Variants in PDCD1LG2 observed in about 807,000 individuals in gnomAD.
The protein encoded by PDCD1LG2 is programmed cell death 1 ligand 2.
Under a neutral mutation model 28.2 loss-of-function variants are expected in PDCD1LG2, and 32 were observed. That is an observed-to-expected ratio of 1.13 (90% confidence interval 0.86 to 1.52). PDCD1LG2 has a LOEUF of 1.52. Among genes scored for constraint, PDCD1LG2 ranks in the 40% most tolerant of loss-of-function variants. PDCD1LG2 has a pLI of 0.00. For missense variants in PDCD1LG2, 385 were observed against 323.8 expected (o/e 1.19, Z -1.45); for synonymous variants, 116 against 120.2 (o/e 0.97, Z 0.23).
chr9:5,534,613 G>A (rs757802875), intron 2 of PDCD1LG2, 132 bp from the exon 3 acceptor site: 8 of 747,114 alleles, frequency 1.1e-5, no homozygotes, highest in South Asian at 1.9e-5. Flanking sequence ...AAAAGGATTC[G>A]CCACGGGAAT....
At chr9:5,513,756 G>A (rs1820104862) in intron 1 of PDCD1LG2, among the ~76,000 whole-genome samples, 1 of 152,180 alleles carries the variant, frequency 6.6e-6, no homozygotes, top group Non-Finnish European at 1.5e-5. Context: ...CTGGCTGTAA[G>A]ATCCCCCCAA....
chr9:5,543,356 G>A (rs1030901152), intron 3 of PDCD1LG2, among the ~76,000 whole-genome samples: 11 of 152,008 alleles, frequency 7.2e-5, no homozygotes, highest in South Asian at 2.1e-4. Context: ...TGGCTAACAC[G>A]GTGAAACCCC....
At chr9:5,567,646 G>T (rs763932585) in intron 6 of PDCD1LG2, among the ~76,000 whole-genome samples, 1 of 152,188 alleles carries the variant, frequency 6.6e-6, no homozygotes, top group South Asian at 2.1e-4. Context: ...TTCCTTAAGT[G>T]AAACAGTAGC....
At chr9:5,563,858 T>G (rs1314628280) in intron 6 of PDCD1LG2, among the ~76,000 whole-genome samples, 2 of 152,198 alleles carry the variant, frequency 1.3e-5, no homozygotes, top group Non-Finnish European at 1.5e-5. Flanking sequence ...GAAACCTCAG[T>G]TTTTTGCTCT....
intron 4 of PDCD1LG2, among the ~76,000 whole-genome samples, chr9:5,553,452 T>C (rs1199614377): frequency 6.6e-6 from 1 of 152,216 alleles, no homozygotes; most frequent in African/African-American, 2.4e-5. Context: ...GTACTTTGGA[T>C]GAATTGTAGT....
intron 4 of PDCD1LG2, among the ~76,000 whole-genome samples, chr9:5,557,167 CT>C (rs1430277535): frequency 6.6e-6 from 1 of 151,684 alleles, no homozygotes; most frequent in Non-Finnish European, 1.5e-5. Flanking sequence ...GGCTGAGAGA[CT>C]TTGCCACTGG....
At chr9:5,537,868 T>G (rs1225314202) in intron 3 of PDCD1LG2, among the ~76,000 whole-genome samples, 1 of 152,064 alleles carries the variant, frequency 6.6e-6, no homozygotes, top group Admixed American at 6.5e-5. Context: ...ACCCTAAAAC[T>G]TACTGTTAAA....
Position 5,569,837 on chromosome 9 carries a change from G to C in PDCD1LG2, c.817-117G>C. 9.8e-7 allele frequency: 1 copy of C among 1,024,996 alleles called. No homozygotes were observed. The allele number at this position is 1,024,996 out of a possible 1,614,324, so 63.5% of individuals were successfully genotyped here. On this transcript the variant is annotated intron_variant, in intron 6 of 6. Transcript: ENST00000397747. The surrounding 1 kb of genome is among the most constrained non-coding windows in gnomAD (Gnocchi z 4.1). ...TAAATGAAAAGTTTTAAACCATGCG[G>C]CTTCCAGCTAGATGAACTTTTTTAA...
At chr9:5,536,955 G>A (rs1820592068) in intron 3 of PDCD1LG2, among the ~76,000 whole-genome samples, 1 of 152,178 alleles carries the variant, frequency 6.6e-6, no homozygotes, top group African/African-American at 2.4e-5. Flanking sequence ...CATGAATATA[G>A]TCCATTGTCC....
chr9:5,533,208 C>T (rs568401149), intron 2 of PDCD1LG2, among the ~76,000 whole-genome samples: 5 of 152,332 alleles, frequency 3.3e-5, no homozygotes, highest in South Asian at 2.1e-4. Flanking sequence ...TCAGAAACTA[C>T]TTCAAGATTT....
intron 1 of PDCD1LG2, among the ~76,000 whole-genome samples, chr9:5,517,478 G>A (rs535067987): frequency 6.6e-6 from 1 of 152,292 alleles, no homozygotes; most frequent in African/African-American, 2.4e-5. Flanking sequence ...GGGCACAGTG[G>A]GTCCTTTAAA....
chr9:5,557,451 G>A (rs191307454), intron 4 of PDCD1LG2, among the ~76,000 whole-genome samples, 167 bp from the exon 5 acceptor site: 44 of 152,280 alleles, frequency 2.9e-4, no homozygotes, highest in Admixed American at 7.8e-4. Flanking sequence ...GAGTGGTTGC[G>A]AGGAGTGGAT....
At chr9:5,517,526 T>C (rs1336737105) in intron 1 of PDCD1LG2, among the ~76,000 whole-genome samples, 1 of 152,210 alleles carries the variant, frequency 6.6e-6, no homozygotes, top group Non-Finnish European at 1.5e-5. Context: ...GTCTTGGCTG[T>C]TGAAAAAACT....
chr9:5,513,203 T>C (rs1336083926), intron 1 of PDCD1LG2, among the ~76,000 whole-genome samples: 9 of 152,246 alleles, frequency 5.9e-5, no homozygotes, highest in African/African-American at 1.9e-4. Flanking sequence ...TCAACCTAAG[T>C]GTCCAGCCAA....
chr9:5,553,535 T>C (rs1214230101), intron 4 of PDCD1LG2, among the ~76,000 whole-genome samples: 2 of 152,164 alleles, frequency 1.3e-5, no homozygotes, highest in Admixed American at 6.5e-5. Context: ...AATTGAGAAA[T>C]AACTTTACAC....
At chr9:5,567,373 T>G (rs905276120) in intron 6 of PDCD1LG2, among the ~76,000 whole-genome samples, 6 of 152,254 alleles carry the variant, frequency 3.9e-5, no homozygotes, top group Non-Finnish European at 8.8e-5. Flanking sequence ...TGTGACACAC[T>G]GCCCTTTCCA....
rs576646681 is a variant in PDCD1LG2 at position 5,557,645 on chromosome 9, CT to C, written c.661del (p.Trp221GlyfsTer17). 332 of 1,613,986 alleles carry C rather than the reference CT, an allele frequency of 2.1e-4. 2 individuals are homozygous for C. The African/African-American group carries it at 4.0e-3, about 19-fold the overall frequency. On this transcript the variant is annotated frameshift_variant, in exon 5 of 7. Coordinates refer to ENST00000397747, the MANE Select transcript of PDCD1LG2 (RefSeq NM_025239.4). LOFTEE classifies it high-confidence loss of function. ...CAGATGGAACCCAGGACCCATCCAA[CT>C]TGGCTGCTTCACATTTTCATCCCCT... ...QSQMEPRTHPTWLLHIFIPFC... is the reference protein window; with the variant it reads ...QSQMEPRTHPXWLLHIFIPFC...
At chr9:5,558,925 A>G (rs1442629585) in intron 5 of PDCD1LG2, among the ~76,000 whole-genome samples, 1 of 152,220 alleles carries the variant, frequency 6.6e-6, no homozygotes, top group Admixed American at 6.5e-5. Context: ...GGTATGTCCA[A>G]CAGAACTTCG....
chr9:5,525,374 A>G (rs1278041906), intron 2 of PDCD1LG2, among the ~76,000 whole-genome samples: 1 of 151,318 alleles, frequency 6.6e-6, no homozygotes, highest in Non-Finnish European at 1.5e-5. Flanking sequence ...AAAAACACTT[A>G]TGGCGGTATT....
Sources: allele counts gnomAD v4.1 joint callset (sites outside exome capture counted in the v4.1 genomes callset), GRCh38; gene constraint gnomAD v4.1.1; non-coding constraint Gnocchi (gnomAD v3.1); transcripts MANE v1.5; gene names NCBI Gene and HGNC (gene_info 2026-07-23, HGNC 2026-07-21).